MMUT: variants seen among roughly 807,000 people sequenced by gnomAD.
The protein encoded by MMUT is methylmalonyl-CoA mutase.
Under a neutral mutation model 79.9 loss-of-function variants are expected in MMUT, and 79 were observed. The ratio of observed to expected loss-of-function variants is 0.99; its 90% CI spans 0.82 to 1.19. The LOEUF (loss-of-function observed/expected upper bound fraction) is 1.19. Ranked by LOEUF, MMUT falls within the 50% of genes most tolerant of loss-of-function variation. The probability of loss-of-function intolerance (pLI) is 0.00; values close to 1 mark genes in which losing one functional copy is unlikely to be tolerated. For missense variants in MMUT, 860 were observed against 917.2 expected (o/e 0.94, Z 0.81); for synonymous variants, 273 against 295.7 (o/e 0.92, Z 0.79).
chr6:49,434,919 G>C (rs1453107420), intron 12 of MMUT, among the ~76,000 whole-genome samples: 2 of 152,124 alleles, frequency 1.3e-5, no homozygotes, highest in Non-Finnish European at 2.9e-5. Context: ...GGGTTTTATA[G>C]GACCATGTAA....
At chr6:49,459,016 CA>C in intron 2 of MMUT, 65 bp downstream of exon 2, 6 of 1,505,936 alleles carry the variant, frequency 4.0e-6, no homozygotes, top group African/African-American at 2.8e-5. Context: ...GATTAACCCC[CA>C]AAAAATAAAA....
Position 49,440,373 on chromosome 6 carries a change from A to G in MMUT, c.1809-20T>C, listed in dbSNP as rs981159200. The G allele has an allele frequency of 3.1e-6, 5 of 1,611,720 alleles. No homozygotes were observed. The African/African-American group carries it at 4.0e-5, about 13-fold the overall frequency. ...TGAACCCTGAAAAACATTTAAAAAT[A>G]TATCAGTAGTTAGATACTAATTTTC... On this transcript the variant is annotated intron_variant, in intron 10 of 12. Coordinates refer to ENST00000274813, the MANE Select transcript of MMUT (RefSeq NM_000255.4).
chr6:49,451,716 TA>T lies in MMUT; in HGVS notation c.1084-3del. 1 of 1,613,574 alleles carries T rather than the reference TA, an allele frequency of 6.2e-7. No homozygotes were observed. The highest frequency in any genetic ancestry group is 8.5e-7 in the Non-Finnish European group (1 of 1,179,656). On this transcript the variant is annotated splice_polypyrimidine_tract_variant and splice_region_variant and intron_variant, in intron 5 of 12. Coordinates refer to ENST00000274813, the MANE Select transcript of MMUT (RefSeq NM_000255.4). The stretch of plus-strand genomic sequence containing the variant: ...ACGGACAATATTATTGTAGGGATCC[TA>T]AAATATTTGATAAAAAACAAAAACT...
At chr6:49,452,494 G>A (rs989922490) in intron 5 of MMUT, among the ~76,000 whole-genome samples, 5 of 151,890 alleles carry the variant, frequency 3.3e-5, no homozygotes, top group African/African-American at 9.7e-5. Flanking sequence ...CAACACACCT[G>A]GCTAATTTTT....
At chr6:49,446,424 A>G (rs963501100) in intron 8 of MMUT, among the ~76,000 whole-genome samples, 2 of 151,928 alleles carry the variant, frequency 1.3e-5, no homozygotes, top group African/African-American at 4.8e-5. Context: ...TGGTCCTAAG[A>G]AAGTTCAAAA....
chr6:49,439,361 G>A (rs1767212339), intron 11 of MMUT, among the ~76,000 whole-genome samples: 1 of 152,132 alleles, frequency 6.6e-6, no homozygotes, highest in African/African-American at 2.4e-5. Flanking sequence ...AAATCTTAGA[G>A]GCCTCTGCTG....
At chr6:49,456,519 A>G (rs2127419551) in intron 3 of MMUT, among the ~76,000 whole-genome samples, 1 of 152,348 alleles carries the variant, frequency 6.6e-6, no homozygotes, top group South Asian at 2.1e-4. Flanking sequence ...TTGTGGAATT[A>G]GCTAGCTGAG....
In MMUT at chr6:49,451,697, A is replaced by G. The variant is rs1273150364; in HGVS notation, c.1101T>C (p.Ile367=). Residue 367 remains isoleucine, a synonymous_variant, in exon 6 of 13, where the codon ATT becomes ATC. Transcript: ENST00000274813. ...SLTEQDPYNN[I]VRTAIEAMAA... Reference sequence around the variant, plus strand: ...CCATTGCTTCTATTGCAGTACGGACAATATTATTGTAGGGATCCTAAAATA... The same window carrying G: ...CCATTGCTTCTATTGCAGTACGGACGATATTATTGTAGGGATCCTAAAATA... The G allele has an allele frequency of 6.2e-7, 1 of 1,613,970 alleles. No individual in the cohort carries two copies. Among genetic ancestry groups the G allele is most frequent in the Admixed American group, 1.7e-5 (1 of 60,010 alleles).
At chr6:49,437,021 A>G (rs780433860) in intron 11 of MMUT, among the ~76,000 whole-genome samples, 16 of 151,776 alleles carry the variant, frequency 1.1e-4, no homozygotes, top group Non-Finnish European at 1.8e-4. Context: ...GTTTACCTAT[A>G]TAACAAATCT....
rs1354627462 is a variant in MMUT at position 49,430,875 on chromosome 6, C to CT, written c.*852dup. The stretch of plus-strand genomic sequence containing the variant: ...TCAGTAAGCAAAGTACAGGTGTTCT[C>CT]TGTGATATTTTTATTTTTGCAATTT... On this transcript the variant is annotated 3_prime_UTR_variant, in exon 13 of 13. Transcript: ENST00000274813. 1.3e-5 allele frequency: 2 copies of CT among 152,134 alleles called. No individual in the cohort carries two copies. Among genetic ancestry groups the CT allele is most frequent in the Non-Finnish European group, 2.9e-5 (2 of 68,014 alleles). The allele number at this position is 152,134 out of a possible 1,614,324, so 9.4% of individuals were successfully genotyped here.
At chr6:49,440,488 G>T (rs1225900544) in intron 10 of MMUT, 135 bp from the exon 11 acceptor site, 31 of 850,086 alleles carry the variant, frequency 3.6e-5, no homozygotes, top group East Asian at 1.2e-4. Context: ...ATTTTGGGTT[G>T]TTTTTTTTTT....
chr6:49,432,555 T>C (rs1280475055), intron 12 of MMUT, among the ~76,000 whole-genome samples: 2 of 151,996 alleles, frequency 1.3e-5, no homozygotes, highest in African/African-American at 2.4e-5. Flanking sequence ...GCCCGGCTAA[T>C]TTTTTGTATT....
intron 5 of MMUT, among the ~76,000 whole-genome samples, chr6:49,452,199 G>A (rs935761282): frequency 6.6e-6 from 1 of 152,186 alleles, no homozygotes; most frequent in Non-Finnish European, 1.5e-5. Context: ...ATTTGGGCAA[G>A]TCATTGGATC....
At chr6:49,447,636 C>CT (rs1449902166) in intron 8 of MMUT, 34 bp downstream of exon 8, 22 of 1,030,220 alleles carry the variant, frequency 2.1e-5, no homozygotes, top group South Asian at 3.9e-5. Flanking sequence ...ACAGAAAATA[C>CT]TTAAAAAAAA....
intron 12 of MMUT, among the ~76,000 whole-genome samples, chr6:49,432,942 A>G (rs1237561784): frequency 6.6e-6 from 1 of 152,082 alleles, no homozygotes; most frequent in Non-Finnish European, 1.5e-5. Context: ...TTATATGGTC[A>G]TGCTAATTAC....
chr6:49,452,181 T>TA (rs1198184710), intron 5 of MMUT, among the ~76,000 whole-genome samples: 1 of 152,212 alleles, frequency 6.6e-6, no homozygotes, highest in Non-Finnish European at 1.5e-5. Flanking sequence ...ATTGCATGCC[T>TA]AATTGTGATT....
rs116622854 is a variant in MMUT, at chr6:49,435,941, A to T, written c.1957-318T>A. Among the ~76,000 whole-genome samples, 591 of 152,314 alleles carry T rather than the reference A, an allele frequency of 3.9e-3. 1 individual carries two copies. The highest frequency in any genetic ancestry group is 5.7e-3 in the Non-Finnish European group (391 of 68,030). On this transcript the variant is annotated intron_variant, in intron 11 of 12. Transcript: ENST00000274813. The stretch of plus-strand genomic sequence containing the variant: ...ATAAAAAACTTAAACAAATTTACAA[A>T]AAAACATTAAAAAGCAGGCAAAAGA...
At chr6:49,461,964 CCT>C (rs1414520316) in intron 1 of MMUT, among the ~76,000 whole-genome samples, 2 of 152,114 alleles carry the variant, frequency 1.3e-5, no homozygotes, top group Non-Finnish European at 2.9e-5. Context: ...TTGAAAACCA[CCT>C]GAGACTAAAC....
chr6:49,431,916 A>G (rs1766990491), intron 12 of MMUT, 60 bp from the exon 13 acceptor site: 2 of 1,561,718 alleles, frequency 1.3e-6, no homozygotes, highest in Admixed American at 1.7e-5. Context: ...CGGAAATAAA[A>G]CCCTATCCTT....
Sources: gnomAD v4.1 joint callset for allele counts (sites outside exome capture counted in the v4.1 genomes callset) on GRCh38, gnomAD v4.1.1 for gene constraint, MANE v1.5 for transcripts, NCBI Gene and HGNC (gene_info 2026-07-23, HGNC 2026-07-21) for gene names.